The following PKHD1 variants were observed in gnomAD, a reference collection of about 807,000 sequenced individuals.
PKHD1 encodes fibrocystin.
Under a neutral mutation model 412.0 loss-of-function variants are expected in PKHD1, and 291 were observed. The observed-to-expected ratio is 0.71, with a 90% CI of 0.64 to 0.78. The LOEUF (loss-of-function observed/expected upper bound fraction) is 0.78, where lower values mean the gene tolerates loss of function less well. Ranked by LOEUF, PKHD1 falls within the 30% of genes least tolerant of loss-of-function variation. The pLI is 0.00. For synonymous variants in PKHD1, 1,777 were observed against 1,821.5 expected, an observed-to-expected ratio of 0.98 and a Z score of 0.62; for missense variants, 4,825 against 4,950.7, an observed-to-expected ratio of 0.97 and a Z score of 0.76.
intron 41 of PKHD1, among the ~76,000 whole-genome samples, 197 bp from the exon 42 acceptor site, chr6:51,904,239 A>C (rs1395754814): frequency 2.6e-5 from 4 of 152,210 alleles, no homozygotes; most frequent in Non-Finnish European, 5.9e-5. Flanking sequence ...CATTTTAAAT[A>C]AAAAGAACAG....
At position 51,960,716 on chromosome 6, in the gene PKHD1, A is replaced by AAT. The variant is rs1242836015; in HGVS notation, c.5752-692_5752-691dup. On this transcript the variant is annotated intron_variant, in intron 35 of 66. Transcript: ENST00000371117. The stretch of plus-strand genomic sequence containing the variant: ...GCCGACTGACTTCAGATGACAAGTA[A>AAT]ATAGTCTGGAACATTTGAGTGAGGG... Among the ~76,000 whole-genome samples the AAT allele has an allele frequency of 4.6e-5, 7 of 152,296 alleles. No homozygotes were observed. The East Asian group carries it at 1.4e-3, about 29-fold the overall frequency.
At chr6:51,749,377 A>G (rs994129298) in intron 57 of PKHD1, among the ~76,000 whole-genome samples, 1 of 152,186 alleles carries the variant, frequency 6.6e-6, no homozygotes, top group African/African-American at 2.4e-5. Context: ...TCTCATTTGT[A>G]GTTTTATTTG....
chr6:51,940,807 C>T (rs574456554), intron 36 of PKHD1, among the ~76,000 whole-genome samples: 1 of 151,686 alleles, frequency 6.6e-6, no homozygotes, highest in South Asian at 2.1e-4. Context: ...TTTCCCTTGC[C>T]TCCATAACTG....
At chr6:51,815,315 G>T (rs1163848779) in intron 52 of PKHD1, among the ~76,000 whole-genome samples, 1 of 152,142 alleles carries the variant, frequency 6.6e-6, no homozygotes, top group Non-Finnish European at 1.5e-5. Context: ...CAGAATAAGG[G>T]TATATGACAG....
At chr6:51,861,270 G>T (rs1774145347) in intron 48 of PKHD1, among the ~76,000 whole-genome samples, 1 of 152,170 alleles carries the variant, frequency 6.6e-6, no homozygotes, top group Non-Finnish European at 1.5e-5. Flanking sequence ...ATCCCACAAA[G>T]GATTTGTTAG....
chr6:51,648,039 A>C lies in PKHD1; in HGVS notation c.11390T>G (p.Val3797Gly). Residue 3797 changes from valine to glycine, a missense_variant, in exon 63 of 67, where the codon GTG becomes GGG. Val to Gly is a moderately radical substitution (Grantham distance 109). Coordinates refer to ENST00000371117, the MANE Select transcript of PKHD1 (RefSeq NM_138694.4). ...ACAGATACTTTACCTACCTTTTAGCACTGAGTCTGATGCTCCTTCCAGGGA... is the reference window on the plus strand; with the variant it reads ...ACAGATACTTTACCTACCTTTTAGCCCTGAGTCTGATGCTCCTTCCAGGGA... ...SASLEGASDSVLKGCTQAETQ... is the reference protein window; with the variant it reads ...SASLEGASDSGLKGCTQAETQ... 9 of 1,580,612 alleles carry C rather than the reference A, an allele frequency of 5.7e-6. No homozygotes were observed. The highest frequency in any genetic ancestry group is 7.8e-6 in the Non-Finnish European group (9 of 1,149,404).
At chr6:52,040,665 T>C (rs943618425) in intron 27 of PKHD1, among the ~76,000 whole-genome samples, 1 of 152,194 alleles carries the variant, frequency 6.6e-6, no homozygotes, top group Non-Finnish European at 1.5e-5. Flanking sequence ...GACTCAAGAC[T>C]TTTTGTTCCT....
chr6:51,990,229 G>T (rs1796884138), intron 35 of PKHD1, among the ~76,000 whole-genome samples: 1 of 151,898 alleles, frequency 6.6e-6, no homozygotes, highest in African/African-American at 2.4e-5. Flanking sequence ...GAAGGCACTA[G>T]GGCTGATAGT....
Position 51,939,525 on chromosome 6 carries a change from G to T in PKHD1, c.5909-5203C>A, listed in dbSNP as rs972200958. On this transcript the variant is annotated intron_variant, in intron 36 of 66. Coordinates refer to ENST00000371117, the MANE Select transcript of PKHD1 (RefSeq NM_138694.4). Reference sequence around the variant, plus strand: ...CTTATTTTCTTCTGCAATGCCACTTGACCCCATTACAAACTTGACAGTGGT... The same window carrying T: ...CTTATTTTCTTCTGCAATGCCACTTTACCCCATTACAAACTTGACAGTGGT... 1.8e-4 allele frequency among the ~76,000 whole-genome samples: 27 copies of T among 151,392 alleles called. 3 individuals carry two copies. Among genetic ancestry groups the T allele is most frequent in the Non-Finnish European group, 3.0e-4 (20 of 67,714 alleles).
intron 43 of PKHD1, among the ~76,000 whole-genome samples, chr6:51,900,962 A>T (rs1334888584): frequency 6.6e-6 from 1 of 152,252 alleles, no homozygotes; most frequent in African/African-American, 2.4e-5. Flanking sequence ...TCAAAACCAC[A>T]ATGAGATACC....
At chr6:51,796,791 C>G (rs1315481864) in intron 52 of PKHD1, among the ~76,000 whole-genome samples, 5 of 150,462 alleles carry the variant, frequency 3.3e-5, no homozygotes, top group Non-Finnish European at 5.9e-5. Flanking sequence ...TTGTTCATTT[C>G]CATGGTGTTG....
intron 60 of PKHD1, among the ~76,000 whole-genome samples, chr6:51,725,131 G>A (rs1301615965): frequency 6.6e-6 from 1 of 152,142 alleles, no homozygotes; most frequent in Non-Finnish European, 1.5e-5. Context: ...GAAAACAGAG[G>A]GGGGTTCCTG....
chr6:52,080,098 C>T lies in PKHD1; in HGVS notation c.282-90G>A, dbSNP rs1342222774. 3 of 794,404 alleles carry T rather than the reference C, an allele frequency of 3.8e-6. No homozygotes were observed. The Admixed American group carries it at 5.3e-5, about 14-fold the overall frequency. The allele number at this position is 794,404 out of a possible 1,614,324, so 49.2% of individuals were successfully genotyped here. A position where few individuals can be genotyped will look rare whatever the true frequency, so the allele number is the denominator to read the frequency against. ...CTTGCCACTTCAAATTTCCTCCTTG[C>T]ACTTTTAAAACAGAGCTAACCAAGG... On this transcript the variant is annotated intron_variant, in intron 4 of 66. Transcript: ENST00000371117.
chr6:51,668,292 A>G (rs1214283713), intron 60 of PKHD1, among the ~76,000 whole-genome samples: 1 of 152,014 alleles, frequency 6.6e-6, no homozygotes, highest in Non-Finnish European at 1.5e-5. Flanking sequence ...TAGGTATTTT[A>G]TTCTCTTTGA....
chr6:52,038,205 C>A (rs972846269), intron 27 of PKHD1, among the ~76,000 whole-genome samples: 1 of 151,948 alleles, frequency 6.6e-6, no homozygotes, highest in East Asian at 1.9e-4. Context: ...CATGGTGAAA[C>A]CCTGTCTCTA....
intron 37 of PKHD1, among the ~76,000 whole-genome samples, chr6:51,917,405 G>A (rs936952345): frequency 1.3e-5 from 2 of 152,036 alleles, no homozygotes; most frequent in South Asian, 2.1e-4. Flanking sequence ...CATTTGTCAC[G>A]CACTAGGAAG....
At chr6:51,980,487 T>C (rs1794998953) in intron 35 of PKHD1, among the ~76,000 whole-genome samples, 1 of 152,222 alleles carries the variant, frequency 6.6e-6, no homozygotes, top group African/African-American at 2.4e-5. Flanking sequence ...TTTACTATAT[T>C]CAACCCATAA....
intron 53 of PKHD1, 90 bp from the exon 54 acceptor site, chr6:51,776,011 G>A: frequency 1.4e-6 from 1 of 713,952 alleles, no homozygotes; most frequent in Admixed American, 1.9e-5. Context: ...ATAATGCAAT[G>A]TAGATACTGT....
At chr6:51,842,084 T>C (rs1448073570) in intron 50 of PKHD1, among the ~76,000 whole-genome samples, 1 of 152,226 alleles carries the variant, frequency 6.6e-6, no homozygotes, top group Non-Finnish European at 1.5e-5. Flanking sequence ...TTGCCCTTTA[T>C]TCGTGGTGAG....
Sources: allele counts gnomAD v4.1 joint callset (sites outside exome capture counted in the v4.1 genomes callset), GRCh38; gene constraint gnomAD v4.1.1; transcripts MANE v1.5; gene names NCBI Gene and HGNC (gene_info 2026-07-23, HGNC 2026-07-21).